ARL15: variants seen among roughly 807,000 people sequenced by gnomAD.
The protein encoded by ARL15 is ARF like GTPase 15.
A neutral mutation model predicts 25.2 loss-of-function variants in ARL15; 19 were observed. The observed-to-expected ratio is 0.75, with a 90% CI of 0.53 to 1.10. The LOEUF is 1.10. Ranked by LOEUF, ARL15 falls within the 50% of genes least tolerant of loss-of-function variation. ARL15 has a pLI of 0.00. For missense variants in ARL15, 220 were observed against 246.0 expected (o/e 0.89, Z 0.71); for synonymous variants, 94 against 86.8 (o/e 1.08, Z -0.46).
chr5:54,245,973 A>G (rs1474558825), intron 1 of ARL15, among the ~76,000 whole-genome samples: 1 of 152,172 alleles, frequency 6.6e-6, no homozygotes, highest in Admixed American at 6.5e-5. Flanking sequence ...GGTAATTAAA[A>G]TAGTTCAAAG....
intron 1 of ARL15, among the ~76,000 whole-genome samples, chr5:54,296,446 G>T (rs1758467659): frequency 6.6e-6 from 1 of 152,214 alleles, no homozygotes; most frequent in African/African-American, 2.4e-5. Flanking sequence ...GAGCTAGAAT[G>T]CAAATGCAGG....
intron 1 of ARL15, among the ~76,000 whole-genome samples, chr5:54,178,571 C>T (rs1754954824): frequency 6.6e-6 from 1 of 152,176 alleles, no homozygotes; most frequent in Non-Finnish European, 1.5e-5. Context: ...AGAAAAGTCA[C>T]CCATAACTTT....
At chr5:54,020,708 C>T (rs1344217719) in intron 4 of ARL15, among the ~76,000 whole-genome samples, 2 of 151,942 alleles carry the variant, frequency 1.3e-5, no homozygotes, top group African/African-American at 4.8e-5. Context: ...AATCCCAGCA[C>T]TTTGGGAGGC....
chr5:54,053,189 G>A (rs892513272), intron 4 of ARL15, among the ~76,000 whole-genome samples: 4 of 152,178 alleles, frequency 2.6e-5, no homozygotes, highest in African/African-American at 9.6e-5. Context: ...AGGATCCCTG[G>A]AGACTAGGAG....
At position 54,088,853 on chromosome 5, in the gene ARL15, T is replaced by A. The variant is rs116003488; in HGVS notation, c.462+24349A>T. On this transcript the variant is annotated intron_variant, in intron 4 of 4. Coordinates refer to ENST00000504924, the MANE Select transcript of ARL15 (RefSeq NM_019087.3). ...TAAAAAAGTCCAAGTATTTTGGAAG[T>A]GAATTTTGTAGCAGCAAATTCAGGA... Among the ~76,000 whole-genome samples, 593 of 152,350 alleles carry A rather than the reference T, an allele frequency of 3.9e-3. 3 individuals carry two copies. The highest frequency in any genetic ancestry group is 6.4e-3 in the Non-Finnish European group (435 of 68,036).
At chr5:53,961,479 C>CA (rs1200158094) in intron 4 of ARL15, among the ~76,000 whole-genome samples, 35 of 107,824 alleles carry the variant, frequency 3.2e-4, no homozygotes, top group Middle Eastern at 0.01. Context: ...GTCTGGGTGA[C>CA]AGAGAGACTC....
chr5:54,107,583 G>A (rs1321141041), intron 4 of ARL15, among the ~76,000 whole-genome samples: 2 of 152,042 alleles, frequency 1.3e-5, no homozygotes, highest in African/African-American at 2.4e-5. Flanking sequence ...ACTCTGAGAA[G>A]CACTTCAGAG....
chr5:54,267,414 T>A (rs894967381), intron 1 of ARL15, among the ~76,000 whole-genome samples: 10 of 152,186 alleles, frequency 6.6e-5, no homozygotes, highest in African/African-American at 2.4e-4. Flanking sequence ...AAAGCAATGA[T>A]CCTCGAAATT....
chr5:54,267,466 T>A (rs1757659629), intron 1 of ARL15, among the ~76,000 whole-genome samples: 1 of 152,212 alleles, frequency 6.6e-6, no homozygotes, highest in East Asian at 1.9e-4. Context: ...TGAAGCTATA[T>A]ACTTATACTC....
At chr5:53,985,404 C>T (rs1456631406) in intron 4 of ARL15, among the ~76,000 whole-genome samples, 1 of 152,158 alleles carries the variant, frequency 6.6e-6, no homozygotes, top group Non-Finnish European at 1.5e-5. Context: ...CACCATCCAT[C>T]GCCATTACTC....
At chr5:53,950,174 A>G (rs1436264494) in intron 4 of ARL15, among the ~76,000 whole-genome samples, 1 of 152,104 alleles carries the variant, frequency 6.6e-6, no homozygotes, top group African/African-American at 2.4e-5. Flanking sequence ...CATGCCTGTA[A>G]TCCCAGCACT....
At chr5:54,306,481 C>G (rs1172031464) in intron 1 of ARL15, among the ~76,000 whole-genome samples, 1 of 150,364 alleles carries the variant, frequency 6.7e-6, no homozygotes, top group Non-Finnish European at 1.5e-5. Flanking sequence ...ACCTCTGCCT[C>G]CTGGGTTCAA....
intron 3 of ARL15, among the ~76,000 whole-genome samples, chr5:54,130,498 A>G (rs1401067384): frequency 6.6e-6 from 1 of 152,218 alleles, no homozygotes; most frequent in African/African-American, 2.4e-5. Context: ...CAGATTTAAA[A>G]GTTAACAATG....
chr5:54,027,949 T>C (rs749918281), intron 4 of ARL15, among the ~76,000 whole-genome samples: 32 of 151,906 alleles, frequency 2.1e-4, no homozygotes, highest in Non-Finnish European at 4.6e-4. Context: ...CGGAGTCTTG[T>C]TTTGTCACCC....
intron 1 of ARL15, among the ~76,000 whole-genome samples, chr5:54,300,630 T>C (rs1758591760): frequency 6.6e-6 from 1 of 152,256 alleles, no homozygotes; most frequent in Non-Finnish European, 1.5e-5. Context: ...GAATTATCCC[T>C]GAGATCTATT....
At chr5:54,191,396 G>A (rs113820125) in intron 1 of ARL15, among the ~76,000 whole-genome samples, 4 of 152,148 alleles carry the variant, frequency 2.6e-5, no homozygotes, top group Middle Eastern at 3.4e-3. Context: ...GCTGGTGATG[G>A]TGGGGATATA....
chr5:53,924,641 T>A (rs962494072), intron 4 of ARL15, among the ~76,000 whole-genome samples: 1 of 152,188 alleles, frequency 6.6e-6, no homozygotes, highest in South Asian at 2.1e-4. Flanking sequence ...CACACTGTTT[T>A]TCATTTTTCA....
chr5:53,895,071 T>A (rs1744831036), intron 4 of ARL15, among the ~76,000 whole-genome samples: 1 of 152,180 alleles, frequency 6.6e-6, no homozygotes, highest in African/African-American at 2.4e-5. Context: ...CGGCCTAGAA[T>A]ATTTACTACC....
intron 4 of ARL15, among the ~76,000 whole-genome samples, chr5:54,084,536 C>T (rs896883030): frequency 6.6e-6 from 1 of 152,096 alleles, no homozygotes; most frequent in African/African-American, 2.4e-5. Context: ...CTCCTCAACG[C>T]TGCCCCTCGA....
Sources: gnomAD v4.1 joint callset for allele counts (sites outside exome capture counted in the v4.1 genomes callset) on GRCh38, gnomAD v4.1.1 for gene constraint, MANE v1.5 for transcripts, NCBI Gene and HGNC (gene_info 2026-07-23, HGNC 2026-07-21) for gene names.